Variants in PCDH7 observed in about 807,000 individuals in gnomAD.
The protein encoded by PCDH7 is protocadherin-7.
A neutral mutation model predicts 58.9 loss-of-function variants in PCDH7; 17 were observed. The observed-to-expected ratio is 0.29, with a 90% confidence interval of 0.20 to 0.43. The LOEUF (loss-of-function observed/expected upper bound fraction) is 0.43, where lower values mean the gene tolerates loss of function less well. Ranked by LOEUF, PCDH7 falls within the 20% of genes least tolerant of loss-of-function variation. PCDH7 has a pLI of 1.00. For synonymous variants in PCDH7, 664 were observed against 616.4 expected, an observed-to-expected ratio of 1.08 and a Z score of -1.14; for missense variants, 1,274 against 1,441.0, an observed-to-expected ratio of 0.88 and a Z score of 1.88.
At chr4:30,906,301 T>A (rs192270303) in intron 1 of PCDH7, among the ~76,000 whole-genome samples, 1 of 152,164 alleles carries the variant, frequency 6.6e-6, no homozygotes, top group Admixed American at 6.5e-5. Context: ...ATAGTAAATA[T>A]CACCTATTAA....
intron 3 of PCDH7, among the ~76,000 whole-genome samples, chr4:30,994,221 T>C (rs1168794989): frequency 6.6e-6 from 1 of 152,190 alleles, no homozygotes; most frequent in African/African-American, 2.4e-5. Flanking sequence ...TTTTTGCCTT[T>C]ATGTAAATTA....
chr4:31,073,247 A>T (rs1758700816), intron 3 of PCDH7, among the ~76,000 whole-genome samples: 1 of 152,186 alleles, frequency 6.6e-6, no homozygotes, highest in Non-Finnish European at 1.5e-5. Flanking sequence ...CTGAGCAGAG[A>T]AGCAAAAAGA....
chr4:31,049,757 A>G (rs1226744675), intron 3 of PCDH7, among the ~76,000 whole-genome samples: 1 of 152,082 alleles, frequency 6.6e-6, no homozygotes, highest in Non-Finnish European at 1.5e-5. Flanking sequence ...TGATTAAAAT[A>G]TAGTACCTGA....
chr4:30,830,434 G>T (rs28533358), intron 1 of PCDH7, among the ~76,000 whole-genome samples: 1,933 of 151,802 alleles, frequency 0.013, 24 homozygotes, highest in South Asian at 0.022. Flanking sequence ...TTCACATTTT[G>T]CATATTTTCT....
chr4:31,104,866 A>C (rs143293607), intron 3 of PCDH7, among the ~76,000 whole-genome samples: 22 of 152,298 alleles, frequency 1.4e-4, no homozygotes, highest in African/African-American at 4.8e-4. Context: ...TGCCAACTGA[A>C]AGGGAAGTCA....
chr4:31,121,966 A>C (rs1404487466), intron 3 of PCDH7, among the ~76,000 whole-genome samples: 1 of 152,106 alleles, frequency 6.6e-6, no homozygotes, highest in Non-Finnish European at 1.5e-5. Flanking sequence ...CAGAATCATT[A>C]TTACATCTGA....
intron 1 of PCDH7, among the ~76,000 whole-genome samples, chr4:30,908,980 C>T (rs1741362911): frequency 6.6e-6 from 1 of 152,096 alleles, no homozygotes. Context: ...AGCTTATGTA[C>T]CACGATCAAG....
intron 3 of PCDH7, among the ~76,000 whole-genome samples, chr4:30,987,012 T>C (rs1194212781): frequency 2.6e-5 from 4 of 152,088 alleles, no homozygotes; most frequent in African/African-American, 9.7e-5. Context: ...ATCTTTATCT[T>C]TGGGCATAAC....
At chr4:30,995,864 G>C (rs1489184347) in intron 3 of PCDH7, among the ~76,000 whole-genome samples, 21 of 151,964 alleles carry the variant, frequency 1.4e-4, no homozygotes, top group Admixed American at 1.3e-3. Flanking sequence ...CCATCTTCTC[G>C]TGCAAGGACC....
Position 30,848,828 on chromosome 4 carries a change from T to C in PCDH7, c.71-71325T>C, listed in dbSNP as rs960913339. 2.6e-5 allele frequency among the ~76,000 whole-genome samples: 4 copies of C among 152,220 alleles called. No homozygotes were observed. The South Asian group carries it at 8.3e-4, about 32-fold the overall frequency. On this transcript the variant is annotated intron_variant, in intron 1 of 3. Transcript: ENST00000509759. Reference sequence around the variant, plus strand: ...TACAGCCAATGACCTAAGTATGCAATTAAAATTGTACTATCCTAGCTAGGT... The same window carrying C: ...TACAGCCAATGACCTAAGTATGCAACTAAAATTGTACTATCCTAGCTAGGT...
intron 1 of PCDH7, among the ~76,000 whole-genome samples, chr4:30,808,151 A>C (rs1173061106): frequency 6.6e-6 from 1 of 152,334 alleles, no homozygotes; most frequent in Non-Finnish European, 1.5e-5. Flanking sequence ...TAAATGAACA[A>C]ACAGACTGAA....
chr4:31,078,639 A>ATTTTTTTTTTT (rs10709152), intron 3 of PCDH7, among the ~76,000 whole-genome samples: 3 of 73,570 alleles, frequency 4.1e-5, no homozygotes, highest in African/African-American at 5.2e-5. Context: ...ACCATGCCCC[A>ATTTTTTTTTTT]TTTTTTTTTT....
Position 30,721,338 on chromosome 4 carries a change from G to C in PCDH7, c.-85G>C. The C allele has an allele frequency of 7.7e-7, 1 of 1,298,442 alleles. No homozygotes were observed. Among genetic ancestry groups the C allele is most frequent in the Non-Finnish European group, 1.0e-6 (1 of 977,890 alleles). The allele number at this position is 1,298,442 out of a possible 1,614,324, so 80.4% of individuals were successfully genotyped here. A position where few individuals can be genotyped will look rare whatever the true frequency, so the allele number is the denominator to read the frequency against. On this transcript the variant is annotated 5_prime_UTR_variant, in exon 1 of 2. Transcript: ENST00000361762. The surrounding 1 kb of genome is among the most constrained non-coding windows in gnomAD (Gnocchi z 6.7). ...TTCCGGGAGAGGGGAGAGGACTCGGGGGAGGGCAGGCGGCCGGCCCCGGAG... is the reference window on the plus strand; with the variant it reads ...TTCCGGGAGAGGGGAGAGGACTCGGCGGAGGGCAGGCGGCCGGCCCCGGAG...
chr4:30,722,832 C>G lies in PCDH7; in HGVS notation c.1410C>G (p.Leu470=), dbSNP rs141113369. 4.7e-5 allele frequency: 76 copies of G among 1,613,540 alleles called. No homozygotes were observed. Among genetic ancestry groups the G allele is most frequent in the Non-Finnish European group, 6.0e-5 (71 of 1,180,028 alleles). The change falls in exon 1 of 2, where the codon CTC becomes CTG. Residue 470 remains leucine, a synonymous_variant. Coordinates refer to ENST00000361762, the Ensembl canonical transcript of PCDH7. This position sits in a 1 kb window ranked among gnomAD's most constrained non-coding sequence, Gnocchi z 7.6. ...TGGTGGGCGACGTGCCCTTCCAGCT[C>G]AAGCCAGCCAGCGACACCGAGGGCG...
intron 1 of PCDH7, among the ~76,000 whole-genome samples, chr4:30,769,522 C>A (rs1415738562): frequency 2.0e-5 from 3 of 152,134 alleles, no homozygotes; most frequent in African/African-American, 7.2e-5. Context: ...ATGTATCTTC[C>A]TTTTAATTGT....
chr4:30,798,299 A>G (rs1725058177), intron 1 of PCDH7, among the ~76,000 whole-genome samples: 1 of 152,170 alleles, frequency 6.6e-6, no homozygotes, highest in Non-Finnish European at 1.5e-5. Flanking sequence ...GCACAGAGGA[A>G]GCACTATAGA....
At chr4:30,734,525 C>A (rs530855495), downstream of PCDH7, among the ~76,000 whole-genome samples, 5 of 152,140 alleles carry the variant, frequency 3.3e-5, no homozygotes, top group Non-Finnish European at 5.9e-5. Flanking sequence ...TGTGCCACTG[C>A]GCCTGGCCAT....
intron 3 of PCDH7, among the ~76,000 whole-genome samples, chr4:30,981,396 C>T (rs529449564): frequency 7.0e-4 from 106 of 152,024 alleles, no homozygotes; most frequent in Non-Finnish European, 1.3e-3. Context: ...ATTTGGATGC[C>T]GAGATTTATG....
At chr4:30,734,802 C>T (rs1211561966), downstream of PCDH7, among the ~76,000 whole-genome samples, 3 of 152,126 alleles carry the variant, frequency 2.0e-5, no homozygotes, top group Admixed American at 6.5e-5. Flanking sequence ...GCTAGGTAGC[C>T]TGCAGATCCA....
Sources: gnomAD v4.1 joint callset for allele counts (sites outside exome capture counted in the v4.1 genomes callset) on GRCh38, gnomAD v4.1.1 for gene constraint, Gnocchi (gnomAD v3.1) non-coding constraint, MANE v1.5 for transcripts, NCBI Gene and HGNC (gene_info 2026-07-23, HGNC 2026-07-21) for gene names.